Variants in CACNB3 observed in about 807,000 individuals in gnomAD.
CACNB3 encodes calcium voltage-gated channel auxiliary subunit beta 3.
A neutral mutation model predicts 63.7 loss-of-function variants in CACNB3; 36 were observed. That is an observed-to-expected ratio of 0.57 (90% CI 0.43 to 0.75). The LOEUF (loss-of-function observed/expected upper bound fraction) is 0.75. Among genes scored for constraint, CACNB3 ranks in the 30% least tolerant of loss-of-function variants. The pLI is 0.00. For synonymous variants in CACNB3, 241 were observed against 250.6 expected (o/e 0.96, Z 0.36); for missense variants, 493 against 648.6 (o/e 0.76, Z 2.61).
At chr12:48,827,499 A>G (rs1938209181) in intron 12 of CACNB3, 86 bp from the exon 13 acceptor site, 1 of 1,224,880 alleles carries the variant, frequency 8.2e-7, no homozygotes, top group East Asian at 2.4e-5. Flanking sequence ...GGGAATTGAG[A>G]GTTGAGGGGG....
In CACNB3 at chr12:48,826,245, G is replaced by C. The variant is rs1938131992; in HGVS notation, c.743-122G>C. ...AATTCCCATTCCTCTGCCTGTCCAG[G>C]CTTCGATGAATGCCCTTTTCCTCCA... On this transcript the variant is annotated intron_variant, in intron 9 of 12. Transcript: ENST00000301050. This position sits in a 1 kb window ranked among gnomAD's most constrained non-coding sequence, Gnocchi z 4.8. 3 of 944,820 alleles carry C rather than the reference G, an allele frequency of 3.2e-6. No individual in the cohort carries two copies. Among genetic ancestry groups the C allele is most frequent in the African/African-American group, 3.3e-5 (2 of 61,428 alleles). 58.5% of individuals were successfully genotyped at this position (944,820 alleles called of 1,614,324 possible). A position where few individuals can be genotyped will look rare whatever the true frequency, so the allele number is the denominator to read the frequency against.
At chr12:48,814,502 G>A, upstream of CACNB3, 1 of 1,530,334 alleles carries the variant, frequency 6.5e-7, no homozygotes, top group Non-Finnish European at 8.7e-7. This position sits in a 1 kb window ranked among gnomAD's most constrained non-coding sequence, Gnocchi z 6.9. Context: ...GCCCAGTCCC[G>A]GCCAGGACGC....
In CACNB3 at chr12:48,823,414, G is replaced by A; in HGVS notation, c.116G>A (p.Ser39Asn). 5 of 1,614,166 alleles carry A rather than the reference G, an allele frequency of 3.1e-6. No homozygotes were observed. The South Asian group carries it at 4.4e-5, about 14-fold the overall frequency. Residue 39 changes from serine (S) to asparagine (N), a missense_variant, in exon 2 of 13, where the codon AGT becomes AAT. By Grantham distance (46) the Ser-to-Asn change is conservative. Transcript: ENST00000301050. This position sits in a 1 kb window ranked among gnomAD's most constrained non-coding sequence, Gnocchi z 4.2. Reference sequence around the variant, plus strand: ...GTCTCCCTGGAGGAGGACCGGGAGAGTGCCCGGCGTGAAGTAGAGAGCCAG... The same window carrying A: ...GTCTCCCTGGAGGAGGACCGGGAGAATGCCCGGCGTGAAGTAGAGAGCCAG... Reference protein sequence around the residue: ...SDVSLEEDRESARREVESQAQ... With the variant: ...SDVSLEEDRENARREVESQAQ...
In CACNB3 at chr12:48,823,627, T is replaced by C; in HGVS notation, c.169-54T>C. ...CCTTCTGCTGTTGGGGCACTGAAGCTGGAAGGGGTGCTTCGAGCCTTCTCT... is the reference window on the plus strand; with the variant it reads ...CCTTCTGCTGTTGGGGCACTGAAGCCGGAAGGGGTGCTTCGAGCCTTCTCT... On this transcript the variant is annotated intron_variant, in intron 2 of 12. Transcript: ENST00000301050. The surrounding 1 kb of genome is among the most constrained non-coding windows in gnomAD (Gnocchi z 4.2). 3 of 1,613,432 alleles carry C rather than the reference T, an allele frequency of 1.9e-6. No homozygotes were observed. Among genetic ancestry groups the C allele is most frequent in the Non-Finnish European group, 2.5e-6 (3 of 1,179,610 alleles).
chr12:48,819,882 G>A (rs1460538779), intron 1 of CACNB3: 1 of 323,816 alleles, frequency 3.1e-6, no homozygotes, highest in Non-Finnish European at 6.2e-6. Flanking sequence ...GGAAAGATGG[G>A]GCAAGAATGC....
rs1374323125 is a variant in CACNB3 at position 48,825,412 on chromosome 12, T to A, written c.574-22T>A. 1.2e-6 allele frequency: 2 copies of A among 1,613,742 alleles called. No individual in the cohort carries two copies. Among genetic ancestry groups the A allele is most frequent in the Admixed American group, 3.3e-5 (2 of 60,026 alleles). On this transcript the variant is annotated intron_variant, in intron 7 of 12. Transcript: ENST00000301050. The surrounding 1 kb of genome is among the most constrained non-coding windows in gnomAD (Gnocchi z 4.5). ...TGCTTCTCTCCAAAGGGGCCCTTCA[T>A]CAGTGCCATGCCTTCCCCCAGGTCA...
intron 1 of CACNB3, among the ~76,000 whole-genome samples, chr12:48,821,797 A>G (rs1937863215): frequency 1.3e-5 from 2 of 152,184 alleles, no homozygotes; most frequent in South Asian, 4.1e-4. Flanking sequence ...ATCCAGCCTC[A>G]TTTTGTTCTC....
Position 48,818,686 on chromosome 12 carries a change from C to T in CACNB3, c.-244C>T. 1 of 1,239,472 alleles carries T rather than the reference C, an allele frequency of 8.1e-7. No individual in the cohort carries two copies. Among genetic ancestry groups the T allele is most frequent in the Non-Finnish European group, 1.0e-6 (1 of 991,384 alleles). 76.8% of individuals were successfully genotyped at this position (1,239,472 alleles called of 1,614,324 possible). A position where few individuals can be genotyped will look rare whatever the true frequency, so the allele number is the denominator to read the frequency against. ...TGTTGTAGGAGCCGGCGCCAGATTC[C>T]TCAGCCGCGCTCGGGGTGGGACCGG... On this transcript the variant is annotated 5_prime_UTR_variant, in exon 1 of 13. Coordinates refer to ENST00000301050, the MANE Select transcript of CACNB3 (RefSeq NM_000725.4). The surrounding 1 kb of genome is among the most constrained non-coding windows in gnomAD (Gnocchi z 4.3).
chr12:48,827,813 G>A lies in CACNB3; in HGVS notation c.1369G>A (p.Asp457Asn). Residue 457 changes from aspartate (D) to asparagine (N), a missense_variant, in exon 13 of 13, where the codon GAC becomes AAC. Transcript: ENST00000301050. ...TAGTGCTAACGGGCATGACCCCCAA[G>A]ACCGGCTTCTAGCCCAGGACTCAGA... ...LPSANGHDPQ[D>N]RLLAQDSEHN... 1 of 1,614,166 alleles carries A rather than the reference G, an allele frequency of 6.2e-7. No individual in the cohort carries two copies. Among genetic ancestry groups the A allele is most frequent in the Non-Finnish European group, 8.5e-7 (1 of 1,180,020 alleles).
intron 1 of CACNB3, chr12:48,819,880 G>A (rs1004881761): frequency 1.8e-5 from 6 of 325,278 alleles, no homozygotes. Flanking sequence ...CTGGAAAGAT[G>A]GGGCAAGAAT....
chr12:48,824,344 C>T lies in CACNB3; in HGVS notation c.378C>T (p.Ser126=). The change falls in exon 4 of 13, where the codon AGC becomes AGT. Residue 126 remains serine (S), a synonymous_variant. Transcript: ENST00000301050. ...TCCCCAGCCCCCAGCGCCTGGAGAG[C>T]ATCCGGCTCAAACAGGAGCAGAAGG... ...AFIPSPQRLE[S]IRLKQEQKAR... The T allele has an allele frequency of 6.2e-7, 1 of 1,610,570 alleles. No individual in the cohort carries two copies. The highest frequency in any genetic ancestry group is 8.5e-7 in the Non-Finnish European group (1 of 1,178,798).
Position 48,826,406 on chromosome 12 carries a change from C to T in CACNB3, c.782C>T (p.Ala261Val). ...GAGATCGAGCGCATATTTGAGCTGG[C>T]CAAATCCCTGCAGCTAGTAGTGTTG... ...QSEIERIFEL[A>V]KSLQLVVLDA... Residue 261 changes from alanine (A) to valine (V), a missense_variant, in exon 10 of 13, where the codon GCC (alanine) becomes GTC (valine). Ala to Val is a moderately conservative substitution (Grantham distance 64). Transcript: ENST00000301050. The surrounding 1 kb of genome is among the most constrained non-coding windows in gnomAD (Gnocchi z 4.8). The T allele has an allele frequency of 6.2e-7, 1 of 1,614,098 alleles. No homozygotes were observed. The highest frequency in any genetic ancestry group is 8.5e-7 in the Non-Finnish European group (1 of 1,180,000).
chr12:48,821,782 C>T (rs1592185680), intron 1 of CACNB3, among the ~76,000 whole-genome samples: 3 of 152,228 alleles, frequency 2.0e-5, no homozygotes, highest in Admixed American at 6.5e-5. Flanking sequence ...ACTTATCCTG[C>T]TGCCATCCAG....
At chr12:48,814,665 C>A, upstream of CACNB3, 2 of 1,126,382 alleles carry the variant, frequency 1.8e-6, no homozygotes, top group Non-Finnish European at 1.2e-6. This position sits in a 1 kb window ranked among gnomAD's most constrained non-coding sequence, Gnocchi z 6.9. Flanking sequence ...CGAGCTGGGA[C>A]TGCAGTTCCT....
Position 48,825,273 on chromosome 12 carries a change from C to A in CACNB3, c.573+30C>A. The A allele has an allele frequency of 1.9e-6, 3 of 1,603,692 alleles. No homozygotes were observed. The highest frequency in any genetic ancestry group is 2.2e-5 in the South Asian group (2 of 90,622). ...GAGGAGGTCCTTGACCCCAAAGAGT[C>A]ACCTCTACCAAGCCTGCCACAGGAA... On this transcript the variant is annotated intron_variant, in intron 7 of 12. Transcript: ENST00000301050. This position sits in a 1 kb window ranked among gnomAD's most constrained non-coding sequence, Gnocchi z 4.5.
In CACNB3 at chr12:48,823,178, G is replaced by C. The variant is rs1054796265; in HGVS notation, c.46-166G>C. Among the ~76,000 whole-genome samples, 11 of 152,132 alleles carry C rather than the reference G, an allele frequency of 7.2e-5. No homozygotes were observed. The highest frequency in any genetic ancestry group is 1.9e-4 in the African/African-American group (8 of 41,442). On this transcript the variant is annotated intron_variant, in intron 1 of 12. Coordinates refer to ENST00000301050, the MANE Select transcript of CACNB3 (RefSeq NM_000725.4). This position sits in a 1 kb window ranked among gnomAD's most constrained non-coding sequence, Gnocchi z 4.2. ...GGCCAGCTTTCCTGTAGCCTCAGAGGCACTGGGGCCCTTCTCAGGGGATAG... is the reference window on the plus strand; with the variant it reads ...GGCCAGCTTTCCTGTAGCCTCAGAGCCACTGGGGCCCTTCTCAGGGGATAG...
At chr12:48,827,525 TC>T (rs1938211980) in intron 12 of CACNB3, 59 bp from the exon 13 acceptor site, 9 of 1,480,562 alleles carry the variant, frequency 6.1e-6, no homozygotes, top group Non-Finnish European at 8.3e-6. Flanking sequence ...ATCTCGCACC[TC>T]ACCAGAAGAC....
At position 48,826,538 on chromosome 12, in the gene CACNB3, G is replaced by A. The variant is rs750811387; in HGVS notation, c.894+20G>A. 1 of 1,613,368 alleles carries A rather than the reference G, an allele frequency of 6.2e-7. No homozygotes were observed. Among genetic ancestry groups the A allele is most frequent in the South Asian group, 1.1e-5 (1 of 90,996 alleles). On this transcript the variant is annotated intron_variant, in intron 10 of 12. Transcript: ENST00000301050. This position sits in a 1 kb window ranked among gnomAD's most constrained non-coding sequence, Gnocchi z 4.8. ...CCAAAGGTAAGTCAGCTGGGCTCAT[G>A]GAGGAGGCCCACAGGGCTATCCTAC...
At chr12:48,827,200 C>A in intron 12 of CACNB3, 77 bp downstream of exon 12, 2 of 1,534,458 alleles carry the variant, frequency 1.3e-6, no homozygotes, top group South Asian at 1.2e-5. Context: ...GAGGACTGTC[C>A]TTGGCCTCCA....
Sources: allele counts gnomAD v4.1 joint callset (sites outside exome capture counted in the v4.1 genomes callset), GRCh38; gene constraint gnomAD v4.1.1; non-coding constraint Gnocchi (gnomAD v3.1); transcripts MANE v1.5; gene names NCBI Gene and HGNC (gene_info 2026-07-23, HGNC 2026-07-21).